Variants in ADAMTS18 observed in about 807,000 individuals in gnomAD.
ADAMTS18 encodes ADAM metallopeptidase with thrombospondin type 1 motif 18.
A neutral mutation model predicts 165.9 loss-of-function variants in ADAMTS18; 157 were observed. The ratio of observed to expected loss-of-function variants is 0.95; its 90% CI spans 0.83 to 1.08. ADAMTS18 has a LOEUF of 1.08. ADAMTS18 is among the 50% of genes least tolerant of loss of function. ADAMTS18 has a pLI of 0.00. For synonymous variants in ADAMTS18, 782 were observed against 578.2 expected (o/e 1.35, Z -5.06); for missense variants, 2,040 against 1,534.0 (o/e 1.33, Z -5.51).
At chr16:77,433,112 T>C (rs1398435120) in intron 2 of ADAMTS18, among the ~76,000 whole-genome samples, 4 of 152,204 alleles carry the variant, frequency 2.6e-5, no homozygotes, top group African/African-American at 9.6e-5. Context: ...ATCTGATACA[T>C]TGCTTTAAAG....
intron 3 of ADAMTS18, among the ~76,000 whole-genome samples, chr16:77,395,336 TCTGTTACTTGGC>T (rs2057242687): frequency 6.6e-6 from 1 of 152,192 alleles, no homozygotes; most frequent in Admixed American, 6.5e-5. Flanking sequence ...TGTCAAGGAC[TCTGTTACTTGGC>T]TTTCTACTCT....
chr16:77,425,994 C>T (rs1449248720), intron 3 of ADAMTS18, among the ~76,000 whole-genome samples: 1 of 151,842 alleles, frequency 6.6e-6, no homozygotes, highest in African/African-American at 2.4e-5. Context: ...TGCAGTGGGC[C>T]GAGATCGCTG....
chr16:77,365,519 T>A (rs1227448706), intron 4 of ADAMTS18, among the ~76,000 whole-genome samples: 2 of 152,186 alleles, frequency 1.3e-5, no homozygotes, highest in South Asian at 2.1e-4. Flanking sequence ...TAGTTGGGGA[T>A]GATATTAAAA....
intron 22 of ADAMTS18, among the ~76,000 whole-genome samples, chr16:77,288,589 C>T (rs1444216681): frequency 2.6e-5 from 4 of 152,054 alleles, no homozygotes; most frequent in Non-Finnish European, 5.9e-5. Context: ...TAGGTATAGT[C>T]CTAGGGCAAT....
chr16:77,326,133 C>A (rs2056092145), intron 12 of ADAMTS18, 95 bp from the exon 13 acceptor site: 3 of 1,215,978 alleles, frequency 2.5e-6, no homozygotes, highest in South Asian at 2.6e-5. Context: ...AAGATGAGCA[C>A]TGCCACAGTG....
rs566557531 is a variant in ADAMTS18 at position 77,302,199 on chromosome 16, T to A, written c.2533-1795A>T. Among the ~76,000 whole-genome samples, 324 of 152,284 alleles carry A rather than the reference T, an allele frequency of 2.1e-3. 1 individual carries two copies. Among genetic ancestry groups the A allele is most frequent in the African/African-American group, 6.8e-3 (281 of 41,552 alleles). ...ATGTTTTCATCTGATATTAAGTAAA[T>A]ACAGAAACTTTACAGTTTTATTCAT... On this transcript the variant is annotated intron_variant, in intron 16 of 22. Coordinates refer to ENST00000282849, the MANE Select transcript of ADAMTS18 (RefSeq NM_199355.4).
chr16:77,306,223 G>A (rs2055679168), intron 16 of ADAMTS18, among the ~76,000 whole-genome samples: 1 of 152,162 alleles, frequency 6.6e-6, no homozygotes, highest in Admixed American at 6.5e-5. Flanking sequence ...AATGCTTCCA[G>A]GTCCTCCATA....
intron 3 of ADAMTS18, among the ~76,000 whole-genome samples, chr16:77,412,022 T>A (rs1466961893): frequency 6.6e-6 from 1 of 151,806 alleles, no homozygotes; most frequent in East Asian, 1.9e-4. Context: ...TCTGGGTGTG[T>A]CTGTGAGGGT....
At chr16:77,426,900 G>T (rs963717621) in intron 3 of ADAMTS18, among the ~76,000 whole-genome samples, 1 of 152,130 alleles carries the variant, frequency 6.6e-6, no homozygotes, top group African/African-American at 2.4e-5. Context: ...TGTAGTCCCA[G>T]CTACTTGGGG....
intron 16 of ADAMTS18, among the ~76,000 whole-genome samples, chr16:77,307,210 C>G (rs1161268499): frequency 3.9e-5 from 6 of 152,168 alleles, no homozygotes; most frequent in Non-Finnish European, 8.8e-5. Flanking sequence ...CAAATTGCAC[C>G]TTACACTCCT....
At chr16:77,369,779 A>C (rs983988483) in intron 3 of ADAMTS18, among the ~76,000 whole-genome samples, 1 of 152,232 alleles carries the variant, frequency 6.6e-6, no homozygotes, top group African/African-American at 2.4e-5. Flanking sequence ...AAATCAGACA[A>C]GAACAAAAAG....
chr16:77,346,178 G>A (rs2056473041), intron 10 of ADAMTS18, among the ~76,000 whole-genome samples: 2 of 152,140 alleles, frequency 1.3e-5, no homozygotes, highest in African/African-American at 4.8e-5. Flanking sequence ...CCACCAACCA[G>A]TCAGTCTTCC....
At chr16:77,321,353 C>A in intron 14 of ADAMTS18, 151 bp from the exon 15 acceptor site, 2 of 1,029,056 alleles carry the variant, frequency 1.9e-6, no homozygotes, top group Non-Finnish European at 2.9e-6. Flanking sequence ...GTTGGACTCA[C>A]TTGGGGTTCA....
At chr16:77,300,206 G>C in intron 17 of ADAMTS18, 57 bp downstream of exon 17, 3 of 1,605,468 alleles carry the variant, frequency 1.9e-6, no homozygotes, top group East Asian at 2.2e-5. Flanking sequence ...CGCCTGGAGT[G>C]AAAGAACCTG....
At position 77,429,529 on chromosome 16, in the gene ADAMTS18, C is replaced by A. The variant is rs73635363; in HGVS notation, c.495+1766G>T. Among the ~76,000 whole-genome samples the A allele has an allele frequency of 6.8e-3, 1,038 of 152,218 alleles. 9 individuals carry two copies. Among genetic ancestry groups the A allele is most frequent in the African/African-American group, 0.024 (1,000 of 41,534 alleles). On this transcript the variant is annotated intron_variant, in intron 3 of 22. Transcript: ENST00000282849. ...GATGAAATAATCTGTACAACAAACC[C>A]TTGTGACATGAGTTCACCCACGTGA...
chr16:77,312,394 T>A (rs1229515204), intron 16 of ADAMTS18, among the ~76,000 whole-genome samples: 5 of 152,020 alleles, frequency 3.3e-5, no homozygotes, highest in Admixed American at 3.3e-4. Flanking sequence ...CCCGCCACCA[T>A]GCCCAGCTAA....
chr16:77,366,948 T>C (rs1482348774), intron 4 of ADAMTS18, among the ~76,000 whole-genome samples: 2 of 152,182 alleles, frequency 1.3e-5, no homozygotes, highest in South Asian at 2.1e-4. Context: ...TTAAGGCTCG[T>C]GTTACATTTC....
At chr16:77,427,576 C>G (rs534805026) in intron 3 of ADAMTS18, among the ~76,000 whole-genome samples, 1 of 152,268 alleles carries the variant, frequency 6.6e-6, no homozygotes, top group East Asian at 1.9e-4. Context: ...CTAGCACCTT[C>G]ACAGATTATA....
chr16:77,425,246 G>C (rs1488239511), intron 3 of ADAMTS18, among the ~76,000 whole-genome samples: 1 of 152,174 alleles, frequency 6.6e-6, no homozygotes, highest in Non-Finnish European at 1.5e-5. Flanking sequence ...GCCACTTACG[G>C]TTTAATTGTT....
Sources: allele counts gnomAD v4.1 joint callset (sites outside exome capture counted in the v4.1 genomes callset), GRCh38; gene constraint gnomAD v4.1.1; transcripts MANE v1.5; gene names NCBI Gene and HGNC (gene_info 2026-07-23, HGNC 2026-07-21).